CTIF: variants seen among roughly 807,000 people sequenced by gnomAD.
CTIF encodes the protein CBP80/20-dependent translation initiation factor.
CTIF carries 21 observed loss-of-function variants against 66.0 expected under a neutral mutation model. That is an observed-to-expected ratio of 0.32 (90% CI 0.23 to 0.46). The LOEUF is 0.46. Among genes scored for constraint, CTIF ranks in the 20% least tolerant of loss-of-function variants. The probability of loss-of-function intolerance (pLI) is 1.00; values close to 1 mark genes in which losing one functional copy is unlikely to be tolerated. For missense variants in CTIF, 739 were observed against 812.7 expected (o/e 0.91, Z 1.10); for synonymous variants, 345 against 326.4 (o/e 1.06, Z -0.62).
intron 7 of CTIF, among the ~76,000 whole-genome samples, chr18:48,729,715 G>A (rs1314081024): frequency 1.3e-5 from 2 of 152,250 alleles, no homozygotes; most frequent in Admixed American, 6.5e-5. Context: ...TTGGGGATCC[G>A]TGGTGATCTG....
intron 6 of CTIF, among the ~76,000 whole-genome samples, chr18:48,671,939 A>G (rs1277704657): frequency 3.3e-5 from 1 of 29,870 alleles, no homozygotes; most frequent in Non-Finnish European, 7.3e-5. Flanking sequence ...CATTTCAGAC[A>G]TTGTAGTTTT....
At chr18:48,554,441 C>G (rs143724178) in intron 1 of CTIF, among the ~76,000 whole-genome samples, 1 of 152,336 alleles carries the variant, frequency 6.6e-6, no homozygotes, top group Non-Finnish European at 1.5e-5. Flanking sequence ...CCTCCCAGGC[C>G]GAGGCAGGCA....
chr18:48,635,327 C>CTTTTTTTTTTTT (rs561455888), intron 2 of CTIF, among the ~76,000 whole-genome samples: 2 of 113,378 alleles, frequency 1.8e-5, no homozygotes, highest in African/African-American at 6.6e-5. Flanking sequence ...CTTTTTCTTT[C>CTTTTTTTTTTTT]TTTTTTTTTT....
At chr18:48,807,344 A>G (rs924751152) in intron 9 of CTIF, among the ~76,000 whole-genome samples, 3 of 152,246 alleles carry the variant, frequency 2.0e-5, no homozygotes, top group Non-Finnish European at 4.4e-5. Context: ...AAAGAGAAAC[A>G]TTCACAGAGA....
At chr18:48,576,090 C>T (rs927518928) in intron 1 of CTIF, among the ~76,000 whole-genome samples, 2 of 152,272 alleles carry the variant, frequency 1.3e-5, no homozygotes, top group Non-Finnish European at 2.9e-5. Flanking sequence ...CGGGCAGCGG[C>T]GCCTGTGTAC....
chr18:48,700,601 T>C (rs2092071283), intron 6 of CTIF, among the ~76,000 whole-genome samples: 1 of 152,190 alleles, frequency 6.6e-6, no homozygotes, highest in Admixed American at 6.5e-5. Context: ...TACTGCTAGT[T>C]TGTATAATGA....
intron 10 of CTIF, among the ~76,000 whole-genome samples, chr18:48,821,858 C>T (rs762255255): frequency 9.2e-5 from 14 of 152,146 alleles, no homozygotes; most frequent in Non-Finnish European, 1.6e-4. Context: ...TATGGATCTA[C>T]CCTCTTCACA....
chr18:48,741,536 C>T (rs1043070786), intron 7 of CTIF, among the ~76,000 whole-genome samples: 1 of 150,412 alleles, frequency 6.6e-6, no homozygotes, highest in African/African-American at 2.5e-5. Context: ...TATTCTTCTG[C>T]CTCAGCCTCC....
At chr18:48,612,813 C>T (rs368976955) in intron 1 of CTIF, among the ~76,000 whole-genome samples, 49 of 152,252 alleles carry the variant, frequency 3.2e-4, no homozygotes, top group African/African-American at 9.9e-4. Flanking sequence ...CCCCCTGCAG[C>T]GGGCCTGGGT....
At chr18:48,573,939 T>G (rs1250010312) in intron 1 of CTIF, among the ~76,000 whole-genome samples, 3 of 152,204 alleles carry the variant, frequency 2.0e-5, no homozygotes, top group African/African-American at 7.2e-5. Flanking sequence ...GCTGGTGTCA[T>G]TACCCAGGGG....
At chr18:48,832,256 C>T (rs2068709088) in intron 10 of CTIF, among the ~76,000 whole-genome samples, 1 of 150,966 alleles carries the variant, frequency 6.6e-6, no homozygotes, top group Admixed American at 6.6e-5. Context: ...ACTGCAGCCT[C>T]AACCTCCCAG....
intron 9 of CTIF, among the ~76,000 whole-genome samples, chr18:48,795,119 G>T (rs973444336): frequency 6.6e-6 from 1 of 152,156 alleles, no homozygotes; most frequent in African/African-American, 2.4e-5. Context: ...GAAGCAGGTG[G>T]CATTACTCCT....
chr18:48,563,179 C>T (rs1441855613), intron 1 of CTIF, among the ~76,000 whole-genome samples: 3 of 151,996 alleles, frequency 2.0e-5, no homozygotes, highest in African/African-American at 7.2e-5. Context: ...CCACCCCCAC[C>T]ATTCCCATAA....
intron 7 of CTIF, among the ~76,000 whole-genome samples, chr18:48,754,376 T>C (rs1908134177): frequency 6.6e-6 from 1 of 152,122 alleles, no homozygotes; most frequent in Admixed American, 6.5e-5. Flanking sequence ...GGAGCCTCGG[T>C]TGTCTTATCT....
intron 1 of CTIF, among the ~76,000 whole-genome samples, chr18:48,587,594 T>G (rs1376609414): frequency 2.6e-5 from 4 of 152,210 alleles, no homozygotes; most frequent in Non-Finnish European, 2.9e-5. Flanking sequence ...GTGTTACTAA[T>G]GCATGGCATG....
chr18:48,723,788 T>G (rs996786188), intron 7 of CTIF, among the ~76,000 whole-genome samples: 27 of 152,228 alleles, frequency 1.8e-4, no homozygotes, highest in African/African-American at 6.5e-4. Context: ...CCAAGAGTTA[T>G]TTCTGAGTCT....
intron 1 of CTIF, among the ~76,000 whole-genome samples, chr18:48,561,235 C>CAAAAA (rs36056519): frequency 0.011 from 1,005 of 92,102 alleles, 32 homozygotes; most frequent in African/African-American, 0.041. Flanking sequence ...GACTCTGTCT[C>CAAAAA]AAAAAAAAAA....
chr18:48,600,098 T>C (rs966388839), intron 1 of CTIF, among the ~76,000 whole-genome samples: 6 of 152,126 alleles, frequency 3.9e-5, no homozygotes, highest in African/African-American at 1.4e-4. Flanking sequence ...ATGCACCCCA[T>C]GGGGTTGAGA....
chr18:48,620,184 G>A (rs2090468857), intron 2 of CTIF, among the ~76,000 whole-genome samples: 1 of 152,220 alleles, frequency 6.6e-6, no homozygotes, highest in South Asian at 2.1e-4. Flanking sequence ...GGTAGCCAAA[G>A]GAATGATTGT....
Sources: allele counts gnomAD v4.1 joint callset (sites outside exome capture counted in the v4.1 genomes callset), GRCh38; gene constraint gnomAD v4.1.1; transcripts MANE v1.5; gene names NCBI Gene and HGNC (gene_info 2026-07-23, HGNC 2026-07-21).